Variants in DNAH3 observed in about 807,000 individuals in gnomAD.
DNAH3 encodes the protein axonemal beta dynein heavy chain 3.
Under a neutral mutation model 432.5 loss-of-function variants are expected in DNAH3, and 332 were observed. The ratio of observed to expected loss-of-function variants is 0.77; its 90% confidence interval spans 0.70 to 0.84. DNAH3 has a LOEUF of 0.84. Ranked by LOEUF, DNAH3 falls within the 40% of genes least tolerant of loss-of-function variation. DNAH3 has a pLI of 0.00. For synonymous variants in DNAH3, 1,956 were observed against 1,900.2 expected (o/e 1.03, Z -0.76); for missense variants, 4,861 against 5,114.0 (o/e 0.95, Z 1.51).
chr16:21,145,064 A>G (rs951096260), intron 3 of DNAH3, 117 bp downstream of exon 4: 1 of 898,540 alleles, frequency 1.1e-6, no homozygotes, highest in Non-Finnish European at 1.7e-6. Flanking sequence ...ATGAGCCACG[A>G]TCGTGCCATG....
intron 24 of DNAH3, among the ~76,000 whole-genome samples, chr16:21,064,429 C>T (rs1280577061): frequency 1.3e-5 from 2 of 152,180 alleles, no homozygotes; most frequent in Non-Finnish European, 2.9e-5. Context: ...GAATTCTGAG[C>T]TAAACTGATC....
At chr16:20,987,316 T>C (rs2086244782) in exon 47 of DNAH3, 1 of 1,613,928 alleles carries the variant, frequency 6.2e-7, no homozygotes. Flanking sequence ...TTCTCTATGG[T>C]CTGCTTGAAG....
At chr16:20,949,734 G>A (rs2084228081) in intron 56 of DNAH3, among the ~76,000 whole-genome samples, 1 of 152,086 alleles carries the variant, frequency 6.6e-6, no homozygotes, top group Non-Finnish European at 1.5e-5. Flanking sequence ...ATGTAGAGTG[G>A]GCAAGAAATG....
chr16:20,958,377 A>AT (rs550065583), intron 54 of DNAH3, among the ~76,000 whole-genome samples: 5 of 151,970 alleles, frequency 3.3e-5, no homozygotes, highest in Non-Finnish European at 5.9e-5. Flanking sequence ...CCTGGACAGA[A>AT]TTTTTTTTAG....
chr16:21,114,101 T>C (rs1434371202), intron 12 of DNAH3, among the ~76,000 whole-genome samples: 2 of 152,198 alleles, frequency 1.3e-5, no homozygotes, highest in Non-Finnish European at 2.9e-5. Flanking sequence ...AAAATAAAAG[T>C]TATATGAATG....
At chr16:21,071,550 C>T (rs570649294) in intron 21 of DNAH3, among the ~76,000 whole-genome samples, 68 of 152,220 alleles carry the variant, frequency 4.5e-4, no homozygotes, top group South Asian at 3.1e-3. Flanking sequence ...GAATCTATGT[C>T]TTGCAGGGAA....
At chr16:21,084,856 G>A (rs139475302) in intron 19 of DNAH3, among the ~76,000 whole-genome samples, 10 of 152,174 alleles carry the variant, frequency 6.6e-5, no homozygotes, top group Non-Finnish European at 1.0e-4. Context: ...TCCCGGCCCC[G>A]CGGCATGTTC....
At chr16:21,108,761 C>T (rs1486546763) in intron 14 of DNAH3, among the ~76,000 whole-genome samples, 1 of 150,812 alleles carries the variant, frequency 6.6e-6, no homozygotes, top group African/African-American at 2.4e-5. Flanking sequence ...AAAAAGTGTC[C>T]GAGTAGTGTG....
chr16:21,157,897 T>C (rs1165601162), intron 1 of DNAH3, among the ~76,000 whole-genome samples: 1 of 137,006 alleles, frequency 7.3e-6, no homozygotes, highest in Non-Finnish European at 1.5e-5. Context: ...TGGCAATATT[T>C]TGAGACACAA....
At position 20,997,474 on chromosome 16, in the gene DNAH3, A is replaced by G; in HGVS notation, c.6422-12T>C. ...CATGTTGAGGTCATCTGGGGAAAGA[A>G]ACCACAGATACAGCCATTGCAAGTT... On this transcript the variant is annotated splice_polypyrimidine_tract_variant and intron_variant, in intron 43 of 61. Transcript: ENST00000261383. 6.2e-7 allele frequency: 1 copy of G among 1,613,402 alleles called. No homozygotes were observed. Among genetic ancestry groups the G allele is most frequent in the African/African-American group, 1.3e-5 (1 of 75,016 alleles).
At chr16:21,099,651 C>A (rs952446544) in intron 16 of DNAH3, among the ~76,000 whole-genome samples, 2 of 151,880 alleles carry the variant, frequency 1.3e-5, no homozygotes, top group Admixed American at 1.3e-4. Flanking sequence ...CTCTGTGCCT[C>A]GGGTAGATAA....
chr16:21,158,107 T>G (rs561605359), intron 1 of DNAH3, among the ~76,000 whole-genome samples: 3 of 152,314 alleles, frequency 2.0e-5, no homozygotes, highest in African/African-American at 7.2e-5. Context: ...CTTGGATCCA[T>G]GCAAACCGAG....
rs752498201 is a variant in DNAH3 at position 20,985,086 on chromosome 16, AAAG to A, written c.7653_7655del (p.Phe2552del). On this transcript the variant is annotated inframe_deletion, in exon 48 of 62. Coordinates refer to ENST00000261383, the Ensembl canonical transcript of DNAH3. ...GAAGGTTCTTTCTCACCCTCTCAAT[AAAG>A]AAGTTATACATAGAAAGAGGAGTGA... The A allele has an allele frequency of 9.3e-6, 15 of 1,611,646 alleles. No individual in the cohort carries two copies. In the Admixed American group the frequency reaches 1.8e-4, roughly 20 times the overall value.
chr16:21,050,631 G>C (rs9932391), intron 29 of DNAH3, among the ~76,000 whole-genome samples: 1,641 of 152,194 alleles, frequency 0.011, 38 homozygotes, highest in African/African-American at 0.038. Flanking sequence ...GTAGAGATGG[G>C]ATTTTGCCAT....
intron 1 of DNAH3, among the ~76,000 whole-genome samples, chr16:21,147,136 G>A (rs1025408368): frequency 1.3e-5 from 2 of 151,702 alleles, no homozygotes; most frequent in African/African-American, 2.4e-5. Flanking sequence ...TTTTTCCCCC[G>A]TGGAAGAGCC....
Position 21,134,023 on chromosome 16 carries a change from G to A in DNAH3, c.1082+236C>T, listed in dbSNP as rs2092606439. On this transcript the variant is annotated intron_variant, in intron 7 of 61. Transcript: ENST00000261383. ...GGCTCCAAGTCTGTGCAATTAAGCA[G>A]GATATTCCAGTGCTTAGAGACAGGC... 1.4e-5 allele frequency: 6 copies of A among 423,412 alleles called. 1 individual carries two copies. In the South Asian group the frequency reaches 2.1e-4, roughly 15 times the overall value. 26.2% of individuals were successfully genotyped at this position (423,412 alleles called of 1,614,324 possible).
At chr16:21,053,447 A>C (rs2090025951) in intron 28 of DNAH3, among the ~76,000 whole-genome samples, 2 of 152,166 alleles carry the variant, frequency 1.3e-5, no homozygotes, top group Non-Finnish European at 2.9e-5. Context: ...GTGTATGTGC[A>C]CTTGCATGTG....
At chr16:21,042,099 G>A (rs199915630) in exon 32 of DNAH3, 86 of 1,613,938 alleles carry the variant, frequency 5.3e-5, no homozygotes, top group South Asian at 9.9e-5. Context: ...CGCAGGTTGG[G>A]TTCAGAGAGA....
At chr16:20,991,851 C>G (rs1404096831) in intron 44 of DNAH3, among the ~76,000 whole-genome samples, 1 of 152,190 alleles carries the variant, frequency 6.6e-6, no homozygotes, top group African/African-American at 2.4e-5. Flanking sequence ...AATAATGTTT[C>G]TCCTTTTGTA....
Sources: gnomAD v4.1 joint callset for allele counts (sites outside exome capture counted in the v4.1 genomes callset) on GRCh38, gnomAD v4.1.1 for gene constraint, MANE v1.5 for transcripts, NCBI Gene and HGNC (gene_info 2026-07-23, HGNC 2026-07-21) for gene names.